NEGR1: variants seen among roughly 807,000 people sequenced by gnomAD.
The protein encoded by NEGR1 is IgLON family member 4.
Under a neutral mutation model 40.9 loss-of-function variants are expected in NEGR1, and 10 were observed. That is an observed-to-expected ratio of 0.24 (90% CI 0.15 to 0.42). The LOEUF is 0.42. Among genes scored for constraint, NEGR1 ranks in the 10% least tolerant of loss-of-function variants. NEGR1 has a pLI of 1.00. For missense variants in NEGR1, 352 were observed against 438.9 expected (o/e 0.80, Z 1.77); for synonymous variants, 185 against 166.8 (o/e 1.11, Z -0.84).
chr1:71,975,209 A>T (rs1312096471), intron 1 of NEGR1, among the ~76,000 whole-genome samples: 1 of 152,158 alleles, frequency 6.6e-6, no homozygotes, highest in Non-Finnish European at 1.5e-5. Flanking sequence ...TAGAAAAGCA[A>T]TATATGCTTA....
Position 71,615,227 on chromosome 1 carries a change from AT to A in NEGR1, c.668-4082del, listed in dbSNP as rs1650409637. Among the ~76,000 whole-genome samples, 7 of 152,230 alleles carry A rather than the reference AT, an allele frequency of 4.6e-5. No homozygotes were observed. The South Asian group carries it at 1.5e-3, about 32-fold the overall frequency. ...TGTTCAAAAAGAAAAGGATTCATCC[AT>A]TTATTTATTCTTTATTCCTCTGTTG... On this transcript the variant is annotated intron_variant, in intron 4 of 6. Coordinates refer to ENST00000357731, the MANE Select transcript of NEGR1 (RefSeq NM_173808.3).
chr1:71,426,511 C>G (rs1646429422), intron 6 of NEGR1, among the ~76,000 whole-genome samples: 1 of 151,736 alleles, frequency 6.6e-6, no homozygotes, highest in African/African-American at 2.4e-5. Context: ...CTAGCAAGAT[C>G]AAGCGTACTG....
intron 2 of NEGR1, among the ~76,000 whole-genome samples, chr1:71,878,447 G>A (rs1490165774): frequency 6.6e-6 from 1 of 152,074 alleles, no homozygotes; most frequent in Non-Finnish European, 1.5e-5. Flanking sequence ...CAAGTTCTCA[G>A]GAATGTTGTT....
intron 1 of NEGR1, among the ~76,000 whole-genome samples, chr1:72,210,756 T>A (rs1348889892): frequency 6.6e-6 from 1 of 151,946 alleles, no homozygotes; most frequent in East Asian, 1.9e-4. Context: ...AGTGAACCAG[T>A]ATTTTCTAAT....
At chr1:71,898,354 G>A (rs147622834) in intron 2 of NEGR1, among the ~76,000 whole-genome samples, 3,050 of 152,208 alleles carry the variant, frequency 0.02, 62 homozygotes, top group South Asian at 0.1. Context: ...GGTGGTTCAC[G>A]CCTGTAATCC....
At chr1:72,019,502 A>G (rs922936020) in intron 1 of NEGR1, among the ~76,000 whole-genome samples, 2 of 152,218 alleles carry the variant, frequency 1.3e-5, no homozygotes, top group African/African-American at 2.4e-5. Flanking sequence ...TAAGAGTAAT[A>G]AAAGCTATGA....
intron 1 of NEGR1, chr1:72,274,421 A>ATTTAGAATCTCCTCTT (rs1655966535): frequency 4.0e-6 from 2 of 500,884 alleles, no homozygotes; most frequent in Non-Finnish European, 7.3e-6. Context: ...CTGAACCTCA[A>ATTTAGAATCTCCTCTT]GAGGACAGAT....
intron 3 of NEGR1, among the ~76,000 whole-genome samples, chr1:71,728,943 G>A (rs949273989): frequency 1.6e-4 from 24 of 152,148 alleles, no homozygotes; most frequent in African/African-American, 5.5e-4. Context: ...CAGTATTAAT[G>A]TGACAGTGCA....
intron 1 of NEGR1, among the ~76,000 whole-genome samples, chr1:71,981,450 C>T (rs1270600982): frequency 1.3e-5 from 2 of 152,102 alleles, no homozygotes; most frequent in East Asian, 3.9e-4. Flanking sequence ...CTTGAAGGAA[C>T]TTGAACATCA....
chr1:71,934,424 G>A (rs963563473), intron 2 of NEGR1, among the ~76,000 whole-genome samples: 3 of 151,970 alleles, frequency 2.0e-5, no homozygotes, highest in Admixed American at 1.3e-4. Flanking sequence ...ATAAACCATT[G>A]TGTACATATT....
At chr1:71,490,269 A>G (rs1483583047) in intron 6 of NEGR1, among the ~76,000 whole-genome samples, 1 of 152,008 alleles carries the variant, frequency 6.6e-6, no homozygotes, top group Non-Finnish European at 1.5e-5. Flanking sequence ...TTTGAAATAC[A>G]AATTTAGAAC....
At chr1:72,280,859 GT>G in intron 1 of NEGR1, among the ~76,000 whole-genome samples, 1 of 152,208 alleles carries the variant, frequency 6.6e-6, no homozygotes, top group South Asian at 2.1e-4. Context: ...CACTGATGTT[GT>G]GCAAGCCAGA....
At chr1:71,941,679 G>T (rs1645960965) in intron 1 of NEGR1, among the ~76,000 whole-genome samples, 1 of 151,986 alleles carries the variant, frequency 6.6e-6, no homozygotes, top group Non-Finnish European at 1.5e-5. Context: ...ATATGTTCTG[G>T]TGATATCTAA....
intron 2 of NEGR1, among the ~76,000 whole-genome samples, chr1:71,930,327 G>C (rs983183580): frequency 6.6e-6 from 1 of 152,134 alleles, no homozygotes; most frequent in African/African-American, 2.4e-5. Context: ...TCAGAGTACT[G>C]AGAAAAGTAA....
At chr1:72,278,369 T>C (rs976558955) in intron 1 of NEGR1, among the ~76,000 whole-genome samples, 10 of 152,010 alleles carry the variant, frequency 6.6e-5, no homozygotes, top group African/African-American at 1.2e-4. Context: ...AAGAAACAGA[T>C]TGAAAAAATT....
chr1:72,003,302 T>A (rs1219422644), intron 1 of NEGR1, among the ~76,000 whole-genome samples: 1 of 151,140 alleles, frequency 6.6e-6, no homozygotes, highest in Non-Finnish European at 1.5e-5. Flanking sequence ...TTTGTAAATA[T>A]CAACATTTTT....
intron 6 of NEGR1, among the ~76,000 whole-genome samples, chr1:71,478,028 C>G (rs915414894): frequency 6.6e-6 from 1 of 151,930 alleles, no homozygotes; most frequent in African/African-American, 2.4e-5. Context: ...CAAAGATTGT[C>G]TCTGTTTAAT....
chr1:72,027,546 T>C (rs1327681634), intron 1 of NEGR1, among the ~76,000 whole-genome samples: 1 of 151,886 alleles, frequency 6.6e-6, no homozygotes, highest in Non-Finnish European at 1.5e-5. Context: ...GTATAAATAA[T>C]AATTAAAAAA....
At chr1:71,761,898 T>G (rs569730665) in intron 3 of NEGR1, among the ~76,000 whole-genome samples, 1 of 152,206 alleles carries the variant, frequency 6.6e-6, no homozygotes, top group Admixed American at 6.5e-5. Context: ...ATATAAAAGA[T>G]AGGTAAATAC....
Sources: gnomAD v4.1 joint callset for allele counts (sites outside exome capture counted in the v4.1 genomes callset) on GRCh38, gnomAD v4.1.1 for gene constraint, MANE v1.5 for transcripts, NCBI Gene and HGNC (gene_info 2026-07-23, HGNC 2026-07-21) for gene names.